The following CNTNAP5 variants were observed in gnomAD, a reference collection of about 807,000 sequenced individuals.
The protein encoded by CNTNAP5 is contactin associated protein family member 5.
CNTNAP5 carries 72 observed loss-of-function variants against 150.2 expected under a neutral mutation model. The ratio of observed to expected loss-of-function variants is 0.48; its 90% CI spans 0.40 to 0.58. The LOEUF (loss-of-function observed/expected upper bound fraction) is 0.58, where lower values mean the gene tolerates loss of function less well. Ranked by LOEUF, CNTNAP5 falls within the 20% of genes least tolerant of loss-of-function variation. CNTNAP5 has a pLI of 0.00. For synonymous variants in CNTNAP5, 672 were observed against 619.8 expected, an observed-to-expected ratio of 1.08 and a Z score of -1.25; for missense variants, 1,636 against 1,626.2, an observed-to-expected ratio of 1.01 and a Z score of -0.10.
At chr2:124,254,974 G>A (rs1687271060) in intron 3 of CNTNAP5, among the ~76,000 whole-genome samples, 1 of 152,120 alleles carries the variant, frequency 6.6e-6, no homozygotes. Context: ...CGAACATTTT[G>A]TTACGCGAAA....
intron 19 of CNTNAP5, among the ~76,000 whole-genome samples, chr2:124,860,284 A>T (rs1677485654): frequency 6.6e-6 from 1 of 151,780 alleles, no homozygotes; most frequent in African/African-American, 2.4e-5. Context: ...CGGGAGGCGG[A>T]GCTTGCAGTG....
intron 5 of CNTNAP5, among the ~76,000 whole-genome samples, chr2:124,436,967 C>T (rs532101828): frequency 9.8e-5 from 15 of 152,288 alleles, no homozygotes; most frequent in Non-Finnish European, 1.6e-4. Flanking sequence ...CTAGGTTCCT[C>T]TTCTAGAGAA....
chr2:124,469,231 C>A (rs541705119), intron 6 of CNTNAP5, among the ~76,000 whole-genome samples: 12 of 152,216 alleles, frequency 7.9e-5, no homozygotes, highest in African/African-American at 2.6e-4. Flanking sequence ...GTATATGGTA[C>A]CCTCTATACT....
intron 13 of CNTNAP5, among the ~76,000 whole-genome samples, chr2:124,668,513 C>T (rs1294011661): frequency 6.6e-6 from 1 of 152,114 alleles, no homozygotes; most frequent in Non-Finnish European, 1.5e-5. Flanking sequence ...TTTACCAAGC[C>T]TTGCCAAGCT....
intron 17 of CNTNAP5, among the ~76,000 whole-genome samples, chr2:124,785,889 G>A (rs948198642): frequency 6.6e-6 from 1 of 152,126 alleles, no homozygotes; most frequent in South Asian, 2.1e-4. Context: ...GTTTTTGCAG[G>A]GATTCAGGTT....
In CNTNAP5 at chr2:124,025,674, C is replaced by G; in HGVS notation, c.24C>G (p.Thr8=). ...AAATGGATTCTTTACCACGGCTGAC[C>G]AGCGTTTTGACTTTGCTGTTCTCTG... MDSLPRL[T]SVLTLLFSGL... The change falls in exon 1 of 24, where the codon ACC becomes ACG. Residue 8 remains threonine (T), a synonymous_variant. Transcript: ENST00000682447. 6.2e-7 allele frequency: 1 copy of G among 1,613,828 alleles called. No homozygotes were observed. The highest frequency in any genetic ancestry group is 8.5e-7 in the Non-Finnish European group (1 of 1,179,854).
intron 13 of CNTNAP5, among the ~76,000 whole-genome samples, chr2:124,723,316 A>G (rs559443969): frequency 6.6e-6 from 1 of 152,246 alleles, no homozygotes; most frequent in African/African-American, 2.4e-5. Flanking sequence ...TTTTACTTTT[A>G]TAACAAAGAT....
At chr2:124,348,704 A>G (rs949737310) in intron 3 of CNTNAP5, among the ~76,000 whole-genome samples, 5 of 151,992 alleles carry the variant, frequency 3.3e-5, no homozygotes, top group African/African-American at 9.7e-5. Context: ...TTTATCTACT[A>G]TTTTTCATTT....
chr2:124,227,163 G>A (rs1021178996), intron 2 of CNTNAP5, among the ~76,000 whole-genome samples: 42 of 152,202 alleles, frequency 2.8e-4, no homozygotes, highest in African/African-American at 9.6e-4. Flanking sequence ...AGTGTGCTGG[G>A]CATTTCTCCA....
chr2:124,029,248 T>C (rs1368646801), intron 1 of CNTNAP5, among the ~76,000 whole-genome samples: 1 of 152,098 alleles, frequency 6.6e-6, no homozygotes, highest in African/African-American at 2.4e-5. Flanking sequence ...TGAACTATAC[T>C]TTGAGTTATC....
chr2:124,389,221 T>C (rs1469950933), intron 3 of CNTNAP5, among the ~76,000 whole-genome samples: 3 of 152,162 alleles, frequency 2.0e-5, no homozygotes, highest in African/African-American at 7.2e-5. Context: ...ATAAAGTGTT[T>C]TGTTTGAAAA....
chr2:124,881,603 G>A (rs111624889), intron 21 of CNTNAP5, among the ~76,000 whole-genome samples: 168 of 152,204 alleles, frequency 1.1e-3, no homozygotes, highest in African/African-American at 4.0e-3. Context: ...AGAACAGGGG[G>A]AAGAGAAGTG....
chr2:124,251,061 T>C (rs1247810771), intron 3 of CNTNAP5, among the ~76,000 whole-genome samples: 1 of 152,174 alleles, frequency 6.6e-6, no homozygotes, highest in Non-Finnish European at 1.5e-5. Flanking sequence ...GTTTCACGTC[T>C]CTGACCAATT....
At chr2:124,475,417 T>C (rs138628919) in intron 7 of CNTNAP5, among the ~76,000 whole-genome samples, 2 of 152,204 alleles carry the variant, frequency 1.3e-5, no homozygotes, top group African/African-American at 4.8e-5. Flanking sequence ...GTCAGGACTG[T>C]GTTTTCTTTT....
intron 1 of CNTNAP5, among the ~76,000 whole-genome samples, chr2:124,028,503 A>G (rs987188682): frequency 3.9e-5 from 6 of 152,150 alleles, no homozygotes; most frequent in Non-Finnish European, 5.9e-5. Context: ...TGCAGAGAAC[A>G]TAATTACTTA....
At chr2:124,518,226 G>T (rs1218689195) in intron 8 of CNTNAP5, among the ~76,000 whole-genome samples, 1 of 152,120 alleles carries the variant, frequency 6.6e-6, no homozygotes, top group Admixed American at 6.5e-5. Flanking sequence ...GCTATAAAGG[G>T]CTGTGGAGAT....
intron 9 of CNTNAP5, 35 bp from the exon 10 acceptor site, chr2:124,527,250 A>G (rs1344209403): frequency 1.3e-6 from 2 of 1,590,122 alleles, no homozygotes; most frequent in Non-Finnish European, 1.7e-6. Flanking sequence ...GGATCATTTC[A>G]GCATTCTTCT....
intron 12 of CNTNAP5, among the ~76,000 whole-genome samples, chr2:124,618,417 A>T (rs4848948): frequency 0.38 from 57,765 of 151,932 alleles, 12,889 homozygotes; most frequent in Non-Finnish European, 0.5. Flanking sequence ...TGAATATATA[A>T]AAGGAATTTA....
intron 3 of CNTNAP5, among the ~76,000 whole-genome samples, chr2:124,397,578 T>C (rs1239296033): frequency 6.6e-6 from 1 of 152,240 alleles, no homozygotes; most frequent in Non-Finnish European, 1.5e-5. Flanking sequence ...TATCATCTTC[T>C]GCAAAGTCAT....
Sources: gnomAD v4.1 joint callset for allele counts (sites outside exome capture counted in the v4.1 genomes callset) on GRCh38, gnomAD v4.1.1 for gene constraint, MANE v1.5 for transcripts, NCBI Gene and HGNC (gene_info 2026-07-23, HGNC 2026-07-21) for gene names.